Variants in KIF26B observed in about 807,000 individuals in gnomAD.
KIF26B encodes kinesin-like protein KIF26B.
A neutral mutation model predicts 151.2 loss-of-function variants in KIF26B; 63 were observed. The observed-to-expected ratio is 0.42, with a 90% CI of 0.34 to 0.51. KIF26B has a LOEUF of 0.51. KIF26B is among the 20% of genes least tolerant of loss of function. The pLI, the probability that KIF26B is intolerant of heterozygous loss-of-function variation, is 0.07. For synonymous variants in KIF26B, 1,357 were observed against 1,262.1 expected, an observed-to-expected ratio of 1.08 and a Z score of -1.59; for missense variants, 2,813 against 2,913.6, an observed-to-expected ratio of 0.97 and a Z score of 0.79.
chr1:245,342,198 A>G (rs1416075547), intron 2 of KIF26B, among the ~76,000 whole-genome samples: 1 of 152,152 alleles, frequency 6.6e-6, no homozygotes, highest in Non-Finnish European at 1.5e-5. Context: ...AGTAGAATGT[A>G]CCCCTGACCA....
chr1:245,678,253 A>T (rs2044379958), intron 10 of KIF26B, among the ~76,000 whole-genome samples: 1 of 151,566 alleles, frequency 6.6e-6, no homozygotes, highest in Non-Finnish European at 1.5e-5. Context: ...CAGAGGGTGA[A>T]TGCAGGGCCC....
intron 5 of KIF26B, among the ~76,000 whole-genome samples, chr1:245,568,388 G>A (rs1037607860): frequency 6.6e-6 from 1 of 151,634 alleles, no homozygotes; most frequent in Non-Finnish European, 1.5e-5. Context: ...GGTGGTGCAT[G>A]CCTGTAGTCC....
intron 5 of KIF26B, among the ~76,000 whole-genome samples, chr1:245,582,778 G>A (rs950338212): frequency 6.6e-6 from 1 of 152,158 alleles, no homozygotes; most frequent in African/African-American, 2.4e-5. Flanking sequence ...CTTTGAACCT[G>A]TCTCCTACTT....
intron 4 of KIF26B, among the ~76,000 whole-genome samples, chr1:245,537,803 G>C (rs1347181578): frequency 6.6e-6 from 1 of 152,190 alleles, no homozygotes; most frequent in African/African-American, 2.4e-5. Context: ...ATGTTTATTA[G>C]ATATCCAAGT....
intron 2 of KIF26B, among the ~76,000 whole-genome samples, chr1:245,188,419 A>G (rs930328568): frequency 2.0e-5 from 3 of 152,014 alleles, no homozygotes; most frequent in Non-Finnish European, 4.4e-5. Flanking sequence ...AATAGCCCCT[A>G]TTTGTCCCAA....
intron 4 of KIF26B, among the ~76,000 whole-genome samples, chr1:245,469,426 T>TA (rs760080183): frequency 6.6e-6 from 1 of 152,312 alleles, no homozygotes; most frequent in African/African-American, 2.4e-5. Context: ...GTATCCATTA[T>TA]AAAAAAAGAT....
At chr1:245,231,079 C>T (rs929517452) in intron 2 of KIF26B, among the ~76,000 whole-genome samples, 12 of 151,454 alleles carry the variant, frequency 7.9e-5, no homozygotes, top group African/African-American at 1.5e-4. Flanking sequence ...AGAAGAGGAA[C>T]GAAACCATTC....
intron 4 of KIF26B, among the ~76,000 whole-genome samples, chr1:245,519,169 T>C (rs1661032693): frequency 6.6e-6 from 1 of 152,210 alleles, no homozygotes; most frequent in Admixed American, 6.5e-5. Flanking sequence ...TAATAGAATA[T>C]TTACTATATT....
intron 4 of KIF26B, among the ~76,000 whole-genome samples, chr1:245,530,291 A>G (rs899799785): frequency 6.6e-6 from 1 of 152,210 alleles, no homozygotes; most frequent in East Asian, 1.9e-4. Flanking sequence ...CAAAAAACTA[A>G]CAATTGAACT....
At chr1:245,399,395 A>C (rs570966683) in intron 3 of KIF26B, among the ~76,000 whole-genome samples, 1 of 152,328 alleles carries the variant, frequency 6.6e-6, no homozygotes, top group South Asian at 2.1e-4. Flanking sequence ...TTGGATGTAC[A>C]TTATGTACAT....
At chr1:245,483,592 T>C (rs949666860) in intron 4 of KIF26B, among the ~76,000 whole-genome samples, 1 of 151,938 alleles carries the variant, frequency 6.6e-6, no homozygotes, top group African/African-American at 2.4e-5. Flanking sequence ...GGGGGACACA[T>C]TGAGCAAGTC....
intron 14 of KIF26B, among the ~76,000 whole-genome samples, chr1:245,700,566 C>T (rs763417404): frequency 1.6e-4 from 24 of 152,176 alleles, no homozygotes; most frequent in African/African-American, 2.2e-4. Flanking sequence ...GGCGTGGTGG[C>T]GGGCACCTGT....
intron 2 of KIF26B, among the ~76,000 whole-genome samples, chr1:245,169,334 T>TGGGTGG (rs752167803): frequency 2.7e-5 from 4 of 147,222 alleles, no homozygotes; most frequent in Non-Finnish European, 3.0e-5. Flanking sequence ...CCATGGTGTG[T>TGGGTGG]GTGTGTGTGT....
intron 10 of KIF26B, among the ~76,000 whole-genome samples, chr1:245,673,428 C>T (rs546883747): frequency 1.3e-5 from 2 of 151,390 alleles, no homozygotes; most frequent in Non-Finnish European, 2.9e-5. Context: ...CCATCTTAGG[C>T]CCAGTCCCCG....
At chr1:245,211,342 C>T (rs1170198441) in intron 2 of KIF26B, among the ~76,000 whole-genome samples, 1 of 152,184 alleles carries the variant, frequency 6.6e-6, no homozygotes, top group African/African-American at 2.4e-5. Context: ...ATCCCCTGCC[C>T]GCTGTGACTG....
In KIF26B at chr1:245,602,902, T is replaced by G; in HGVS notation, c.1557+119T>G. ...TGGAGCATTCTGATGGACCAGTTCC[T>G]TCAGGAGTCAATCTGAGCTCCACCG... is the stretch of plus-strand genomic sequence containing the variant. On this transcript the variant is annotated intron_variant, in intron 6 of 14. Transcript: ENST00000407071. The surrounding 1 kb of genome is among the most constrained non-coding windows in gnomAD (Gnocchi z 4.5). 1.1e-6 allele frequency: 1 copy of G among 872,944 alleles called. No individual in the cohort carries two copies. Among genetic ancestry groups the G allele is most frequent in the Non-Finnish European group, 1.9e-6 (1 of 533,464 alleles). 54.1% of individuals were successfully genotyped at this position (872,944 alleles called of 1,614,324 possible).
chr1:245,276,615 G>T (rs1035765945), intron 2 of KIF26B, among the ~76,000 whole-genome samples: 3 of 152,148 alleles, frequency 2.0e-5, no homozygotes, highest in African/African-American at 4.8e-5. Flanking sequence ...CCCGCTCCCG[G>T]GAGAAGCGAG....
At chr1:245,641,675 A>G (rs1456325799) in intron 9 of KIF26B, among the ~76,000 whole-genome samples, 1 of 151,838 alleles carries the variant, frequency 6.6e-6, no homozygotes, top group Admixed American at 6.6e-5. Context: ...TTTCTGTTTA[A>G]TTTTATTTTT....
intron 2 of KIF26B, among the ~76,000 whole-genome samples, chr1:245,364,764 C>G (rs999328966): frequency 2.6e-5 from 4 of 152,100 alleles, no homozygotes; most frequent in South Asian, 4.1e-4. Flanking sequence ...GGCACCTCTT[C>G]CATATGATTG....
Sources: allele counts gnomAD v4.1 joint callset (sites outside exome capture counted in the v4.1 genomes callset), GRCh38; gene constraint gnomAD v4.1.1; non-coding constraint Gnocchi (gnomAD v3.1); transcripts MANE v1.5; gene names NCBI Gene and HGNC (gene_info 2026-07-23, HGNC 2026-07-21).